RXRA: variants seen among roughly 807,000 people sequenced by gnomAD.
RXRA encodes the protein retinoic acid receptor RXR-alpha.
Under a neutral mutation model 44.5 loss-of-function variants are expected in RXRA, and 5 were observed. That is an observed-to-expected ratio of 0.11 (90% CI 0.06 to 0.24). The LOEUF is 0.24. Among genes scored for constraint, RXRA ranks in the 10% least tolerant of loss-of-function variants. The pLI, the probability that RXRA is intolerant of heterozygous loss-of-function variation, is 1.00. For synonymous variants in RXRA, 291 were observed against 271.4 expected (o/e 1.07, Z -0.71); for missense variants, 412 against 646.5 (o/e 0.64, Z 3.93).
At chr9:134,423,761 C>A in intron 6 of RXRA, 2 of 985,466 alleles carry the variant, frequency 2.0e-6, no homozygotes, top group Non-Finnish European at 2.4e-6. Context: ...TTTGCAGGGG[C>A]TCCCCCAGAA....
chr9:134,431,697 G>A (rs1454966381), intron 7 of RXRA, among the ~76,000 whole-genome samples: 2 of 151,852 alleles, frequency 1.3e-5, no homozygotes, highest in Non-Finnish European at 1.5e-5. Flanking sequence ...CTCCGGGCAG[G>A]GCCAGGCAGG....
At chr9:134,357,095 C>T (rs1473238093) in intron 1 of RXRA, among the ~76,000 whole-genome samples, 2 of 152,246 alleles carry the variant, frequency 1.3e-5, no homozygotes, top group African/African-American at 4.8e-5. Context: ...CCACCCAGCC[C>T]ACACCCTGAA....
chr9:134,392,911 C>T (rs1051250263), intron 1 of RXRA, among the ~76,000 whole-genome samples: 1 of 151,930 alleles, frequency 6.6e-6, no homozygotes, highest in Non-Finnish European at 1.5e-5. Flanking sequence ...GATGGGGCTC[C>T]GAGTCCCACA....
chr9:134,439,713 A>C lies in RXRA; in HGVS notation c.*3099A>C. 6.6e-6 allele frequency: 1 copy of C among 152,484 alleles called. No individual in the cohort carries two copies. Among genetic ancestry groups the C allele is most frequent in the East Asian group, 1.9e-4 (1 of 5,212 alleles). 9.4% of individuals were successfully genotyped at this position (152,484 alleles called of 1,614,324 possible). Reference sequence around the variant, plus strand: ...TGCGTGATCTGGTGCTCGTCCACGCAGGTGTGTGGTGTAAACATGTATGTG... The same window carrying C: ...TGCGTGATCTGGTGCTCGTCCACGCCGGTGTGTGGTGTAAACATGTATGTG... On this transcript the variant is annotated 3_prime_UTR_variant, in exon 10 of 10. Coordinates refer to ENST00000481739, the MANE Select transcript of RXRA (RefSeq NM_002957.6).
Position 134,431,905 on chromosome 9 carries a change from G to T in RXRA, c.1044G>T (p.Arg348Ser). The T allele has an allele frequency of 6.2e-7, 1 of 1,612,832 alleles. No individual in the cohort carries two copies. Among genetic ancestry groups the T allele is most frequent in the Non-Finnish European group, 8.5e-7 (1 of 1,179,114 alleles). ...GGGTGTCTGCCCTCCTCCTCTGCAG[G>T]GTGCTGACGGAGCTTGTGTCCAAGA... ...HSAGVGAIFD[R>S]VLTELVSKMR... is the part of the protein sequence containing the mutation. The change falls in exon 8 of 10, where the codon AGG becomes AGT. Residue 348 changes from arginine (R) to serine (S), a missense_variant and splice_region_variant. Physicochemically the swap from Arg to Ser is moderately radical, Grantham distance 110 (BLOSUM62 -1). This residue lies in a region of RXRA where 141 missense variants were observed against 270.8 expected (regional missense o/e 0.52). Transcript: ENST00000481739.
rs1477626703 is a variant in RXRA, at chr9:134,407,374, T to C, written c.280-775T>C. Among the ~76,000 whole-genome samples the C allele has an allele frequency of 6.6e-6, 1 of 152,208 alleles. No individual in the cohort carries two copies. The highest frequency in any genetic ancestry group is 1.5e-5 in the Non-Finnish European group (1 of 68,018). On this transcript the variant is annotated intron_variant, in intron 2 of 9. Transcript: ENST00000481739. This position sits in a 1 kb window ranked among gnomAD's most constrained non-coding sequence, Gnocchi z 4.8. ...TACCGCCCTGCGCAGCCAGGCTGGCTGGCAGGCTGCAGCGGGAAGCGCCTG... is the reference window on the plus strand; with the variant it reads ...TACCGCCCTGCGCAGCCAGGCTGGCCGGCAGGCTGCAGCGGGAAGCGCCTG...
chr9:134,386,464 T>C (rs1394814728), intron 1 of RXRA, among the ~76,000 whole-genome samples: 3 of 152,212 alleles, frequency 2.0e-5, no homozygotes, highest in Admixed American at 6.5e-5. Context: ...AGTGTGGGAC[T>C]CATGGCATGT....
At chr9:134,423,393 G>A (rs903689367) in intron 6 of RXRA, 2 of 985,344 alleles carry the variant, frequency 2.0e-6, no homozygotes, top group African/African-American at 3.5e-5. Flanking sequence ...GGGAGCCTCA[G>A]CCCATACAAG....
chr9:134,359,752 G>T (rs536055358), intron 1 of RXRA, among the ~76,000 whole-genome samples: 1 of 151,504 alleles, frequency 6.6e-6, no homozygotes, highest in Non-Finnish European at 1.5e-5. Flanking sequence ...GAGGTGACAC[G>T]CAGCCCCGCC....
chr9:134,390,487 G>C (rs1830783671), intron 1 of RXRA, among the ~76,000 whole-genome samples: 1 of 152,204 alleles, frequency 6.6e-6, no homozygotes, highest in South Asian at 2.1e-4. Context: ...CTGAGGCTCA[G>C]CCTGTGGGGC....
At position 134,386,671 on chromosome 9, in the gene RXRA, CTG is replaced by C. The variant is rs1267237358; in HGVS notation, c.29-14960_29-14959del. ...GGCTGCCACTGTCAGCAACAGCAAA[CTG>C]AGGCTGGCCCTGGGTCTGCCAGACC... On this transcript the variant is annotated intron_variant, in intron 1 of 9. Coordinates refer to ENST00000481739, the MANE Select transcript of RXRA (RefSeq NM_002957.6). 5.3e-5 allele frequency among the ~76,000 whole-genome samples: 8 copies of C among 152,322 alleles called. 1 individual carries two copies. Among genetic ancestry groups the C allele is most frequent in the Admixed American group, 3.9e-4 (6 of 15,306 alleles).
intron 1 of RXRA, among the ~76,000 whole-genome samples, chr9:134,385,973 C>T (rs1160251921): frequency 6.6e-5 from 10 of 152,248 alleles, no homozygotes; most frequent in South Asian, 4.1e-4. Flanking sequence ...GGTCGTGTCT[C>T]GGATTGAGGA....
At chr9:134,330,392 T>A (rs1314882349) in intron 1 of RXRA, among the ~76,000 whole-genome samples, 3 of 152,208 alleles carry the variant, frequency 2.0e-5, no homozygotes, top group Admixed American at 6.5e-5. Context: ...GAGGCTGGGG[T>A]CTAGGGCCAC....
Position 134,437,803 on chromosome 9 carries a change from C to T in RXRA, c.*1189C>T, listed in dbSNP as rs1454080627. On this transcript the variant is annotated 3_prime_UTR_variant, in exon 10 of 10. Coordinates refer to ENST00000481739, the MANE Select transcript of RXRA (RefSeq NM_002957.6). ...TCTGAGAACCCGGAGTCGCAGCGCCCTCGGGCCTGGGCCACACGCAGGCCC... is the reference window on the plus strand; with the variant it reads ...TCTGAGAACCCGGAGTCGCAGCGCCTTCGGGCCTGGGCCACACGCAGGCCC... 6.6e-6 allele frequency: 1 copy of T among 152,366 alleles called. No individual in the cohort carries two copies. The highest frequency in any genetic ancestry group is 1.5e-5 in the Non-Finnish European group (1 of 68,170). The allele number at this position is 152,366 out of a possible 1,614,324, so 9.4% of individuals were successfully genotyped here.
chr9:134,356,085 C>T (rs977670363), intron 1 of RXRA, among the ~76,000 whole-genome samples: 4 of 152,170 alleles, frequency 2.6e-5, no homozygotes, highest in Non-Finnish European at 5.9e-5. Flanking sequence ...GGCCAGGCCT[C>T]CTTTCCCTGG....
intron 1 of RXRA, among the ~76,000 whole-genome samples, chr9:134,330,026 C>G (rs1834978624): frequency 6.6e-6 from 1 of 152,212 alleles, no homozygotes; most frequent in Admixed American, 6.5e-5. Context: ...TACAGGTCCA[C>G]CCAGTGCCAG....
rs142514008 is a variant in RXRA at position 134,363,411 on chromosome 9, T to C, written c.28+36752T>C. Among the ~76,000 whole-genome samples the C allele has an allele frequency of 4.7e-3, 711 of 152,340 alleles. 8 individuals carry two copies. Among genetic ancestry groups the C allele is most frequent in the African/African-American group, 0.016 (675 of 41,576 alleles). Reference sequence around the variant, plus strand: ...GGCATCCGTTTAGGGAGTCAGCTAATTTCATACCTCTCTGGTTTCTCATCT... The same window carrying C: ...GGCATCCGTTTAGGGAGTCAGCTAACTTCATACCTCTCTGGTTTCTCATCT... On this transcript the variant is annotated intron_variant, in intron 1 of 9. Transcript: ENST00000481739.
intron 6 of RXRA, chr9:134,423,092 C>A: frequency 4.1e-6 from 4 of 985,422 alleles, no homozygotes; most frequent in Non-Finnish European, 4.8e-6. Flanking sequence ...ATGGGGCAGG[C>A]CCCCCGCAAA....
In RXRA at chr9:134,426,290, G is replaced by A. The variant is rs1299485651; in HGVS notation, c.911-2818G>A. Reference sequence around the variant, plus strand: ...GGGCCCCCACATCACAGGGCCAGGAGCCCTCCTTCCTGCAGCGATGGAGCA... The same window carrying A: ...GGGCCCCCACATCACAGGGCCAGGAACCCTCCTTCCTGCAGCGATGGAGCA... On this transcript the variant is annotated intron_variant, in intron 6 of 9. Coordinates refer to ENST00000481739, the MANE Select transcript of RXRA (RefSeq NM_002957.6). This position sits in a 1 kb window ranked among gnomAD's most constrained non-coding sequence, Gnocchi z 4.6. 1.0e-6 allele frequency: 1 copy of A among 985,336 alleles called. No homozygotes were observed. Among genetic ancestry groups the A allele is most frequent in the South Asian group, 4.7e-5 (1 of 21,294 alleles). 61.0% of individuals were successfully genotyped at this position (985,336 alleles called of 1,614,324 possible).
Sources: allele counts gnomAD v4.1 joint callset (sites outside exome capture counted in the v4.1 genomes callset), GRCh38; gene constraint gnomAD v4.1.1; regional missense constraint gnomAD v4.1.1; non-coding constraint Gnocchi (gnomAD v3.1); transcripts MANE v1.5; gene names NCBI Gene and HGNC (gene_info 2026-07-23, HGNC 2026-07-21).